ORC4: variants seen among roughly 807,000 people sequenced by gnomAD.
ORC4 encodes origin recognition complex, subunit 4 homolog.
In ORC4, 55 loss-of-function variants were observed where a neutral mutation model predicts 63.9. The observed-to-expected ratio is 0.86, with a 90% CI of 0.69 to 1.08. ORC4 has a LOEUF of 1.08. Ranked by LOEUF, ORC4 falls within the 50% of genes least tolerant of loss-of-function variation. ORC4 has a pLI of 0.00. For missense variants in ORC4, 511 were observed against 504.4 expected (o/e 1.01, Z -0.13); for synonymous variants, 150 against 168.5 (o/e 0.89, Z 0.85).
chr2:147,958,220 C>A, intron 6 of ORC4, 78 bp downstream of exon 6: 2 of 928,954 alleles, frequency 2.2e-6, no homozygotes. Context: ...CCTACCCTTC[C>A]AGAAATATAA....
chr2:148,021,311 T>C, upstream of ORC4: 1 of 360,134 alleles, frequency 2.8e-6, no homozygotes, highest in African/African-American at 2.2e-5. Context: ...GGAGAAGGAG[T>C]TTCTTCTTCT....
At chr2:147,972,334 A>G (rs574305353) in intron 4 of ORC4, among the ~76,000 whole-genome samples, 1 of 152,278 alleles carries the variant, frequency 6.6e-6, no homozygotes, top group South Asian at 2.1e-4. Context: ...TAACAAAGGG[A>G]AAAACCCTAC....
intron 4 of ORC4, among the ~76,000 whole-genome samples, chr2:147,967,102 T>C (rs17225423): frequency 0.14 from 20,645 of 151,818 alleles, 1,699 homozygotes; most frequent in Middle Eastern, 0.21. Flanking sequence ...ATCATCTCAA[T>C]GGATGCAGAA....
At chr2:147,950,895 G>A (rs990969417) in intron 8 of ORC4, among the ~76,000 whole-genome samples, 4 of 151,702 alleles carry the variant, frequency 2.6e-5, no homozygotes, top group South Asian at 2.1e-4. Flanking sequence ...TATTTGGTCC[G>A]TTATTGGGTC....
intron 1 of ORC4, among the ~76,000 whole-genome samples, chr2:148,003,126 A>G (rs970254768): frequency 6.6e-6 from 1 of 152,218 alleles, no homozygotes; most frequent in African/African-American, 2.4e-5. Context: ...TTAATAGCCT[A>G]CCAACCAAAA....
intron 1 of ORC4, among the ~76,000 whole-genome samples, chr2:147,991,781 T>C (rs1691627786): frequency 6.6e-6 from 1 of 151,990 alleles, no homozygotes; most frequent in East Asian, 1.9e-4. Flanking sequence ...TAAGCGGAGA[T>C]TGCACCACTG....
rs1457133415 is a variant in ORC4, at chr2:147,931,558, T to A, written c.*3952A>T. 1 of 152,192 alleles carries A rather than the reference T, an allele frequency of 6.6e-6. No homozygotes were observed. Among genetic ancestry groups the A allele is most frequent in the East Asian group, 1.9e-4 (1 of 5,192 alleles). 9.4% of individuals were successfully genotyped at this position (152,192 alleles called of 1,614,324 possible). On this transcript the variant is annotated 3_prime_UTR_variant, in exon 14 of 14. Coordinates refer to ENST00000392857, the MANE Select transcript of ORC4 (RefSeq NM_181741.4). Reference sequence around the variant, plus strand: ...TTTAATGATTGCCATTCTAACTGGATAAAATACTGGCAAAACGAATCCAGC... The same window carrying A: ...TTTAATGATTGCCATTCTAACTGGAAAAAATACTGGCAAAACGAATCCAGC...
chr2:147,966,181 A>G (rs1260789197), intron 4 of ORC4, among the ~76,000 whole-genome samples: 2 of 152,136 alleles, frequency 1.3e-5, no homozygotes, highest in African/African-American at 2.4e-5. Flanking sequence ...AAATAGAAAC[A>G]CAACTTACTA....
At position 147,933,173 on chromosome 2, in the gene ORC4, T is replaced by C. The variant is rs1039825066; in HGVS notation, c.*2337A>G. The C allele has an allele frequency of 2.0e-5, 3 of 152,146 alleles. No homozygotes were observed. The highest frequency in any genetic ancestry group is 4.4e-5 in the Non-Finnish European group (3 of 68,026). 9.4% of individuals were successfully genotyped at this position (152,146 alleles called of 1,614,324 possible). On this transcript the variant is annotated 3_prime_UTR_variant, in exon 14 of 14. Coordinates refer to ENST00000392857, the MANE Select transcript of ORC4 (RefSeq NM_181741.4). ...GAAAAGCAGGAGTTCATGCATTTTT[T>C]GGTTCTATTTTTCCTCCTCTAGTAA...
intron 4 of ORC4, among the ~76,000 whole-genome samples, chr2:147,960,773 G>C (rs2105320740): frequency 6.6e-6 from 1 of 152,302 alleles, no homozygotes; most frequent in African/African-American, 2.4e-5. Flanking sequence ...CCTGTAATCT[G>C]AGTGCTTTGA....
chr2:147,985,223 G>A (rs1474634776), intron 1 of ORC4, among the ~76,000 whole-genome samples: 1 of 151,980 alleles, frequency 6.6e-6, no homozygotes, highest in Non-Finnish European at 1.5e-5. Flanking sequence ...TTGAGACAGA[G>A]TCTCGCTCTG....
intron 1 of ORC4, among the ~76,000 whole-genome samples, chr2:147,991,081 C>G (rs1691559702): frequency 6.9e-6 from 1 of 144,796 alleles, no homozygotes; most frequent in South Asian, 2.1e-4. Context: ...TGGACTTTCA[C>G]TCTGTCGCCT....
chr2:147,972,693 A>G, intron 4 of ORC4, 46 bp downstream of exon 4: 2 of 1,024,218 alleles, frequency 2.0e-6, no homozygotes, highest in Non-Finnish European at 3.0e-6. Flanking sequence ...TATATAAAAT[A>G]AGAATCATCA....
At chr2:148,007,747 C>T (rs1003482554) in intron 1 of ORC4, among the ~76,000 whole-genome samples, 7 of 151,858 alleles carry the variant, frequency 4.6e-5, no homozygotes, top group African/African-American at 1.7e-4. Context: ...TAGATTCAAC[C>T]CAAATAAGAT....
intron 1 of ORC4, among the ~76,000 whole-genome samples, chr2:147,995,452 G>A (rs1224431114): frequency 1.3e-5 from 2 of 152,156 alleles, no homozygotes; most frequent in African/African-American, 4.8e-5. Flanking sequence ...CTGGCCACCC[G>A]AGTCAGCAGT....
At chr2:147,987,302 T>TG (rs1691264776) in intron 1 of ORC4, among the ~76,000 whole-genome samples, 2 of 149,962 alleles carry the variant, frequency 1.3e-5, no homozygotes, top group South Asian at 4.2e-4. Flanking sequence ...TCAACCAAAA[T>TG]GGGCTCTATT....
chr2:147,966,810 C>T (rs980952048), intron 4 of ORC4, among the ~76,000 whole-genome samples: 5 of 151,998 alleles, frequency 3.3e-5, no homozygotes, highest in Non-Finnish European at 7.4e-5. Flanking sequence ...AAAACTATTC[C>T]AAAAAATTCA....
chr2:147,943,470 A>T lies in ORC4; in HGVS notation c.815T>A (p.Ile272Asn). The change falls in exon 10 of 14, where the codon ATC becomes AAC. Residue 272 changes from isoleucine to asparagine, a missense_variant. Physicochemically the swap from Ile to Asn is moderately radical, Grantham distance 149. Transcript: ENST00000392857. ...VQEVLQKHFN[I>N]SKNLRSLHML... is the part of the protein sequence containing the mutation. ...GTGTAATGACCGCAGGTTTTTGCTG[A>T]TATTGAAATGCTTCTGTAGTACTTC... is the stretch of plus-strand genomic sequence containing the variant. 6.2e-7 allele frequency: 1 copy of T among 1,605,498 alleles called. No individual in the cohort carries two copies. The highest frequency in any genetic ancestry group is 1.1e-5 in the South Asian group (1 of 90,886).
At chr2:147,963,594 G>A (rs1171353944) in intron 4 of ORC4, among the ~76,000 whole-genome samples, 1 of 152,108 alleles carries the variant, frequency 6.6e-6, no homozygotes, top group Non-Finnish European at 1.5e-5. Flanking sequence ...CTGGGCCTGA[G>A]AAACAAACCA....
Sources: allele counts gnomAD v4.1 joint callset (sites outside exome capture counted in the v4.1 genomes callset), GRCh38; gene constraint gnomAD v4.1.1; transcripts MANE v1.5; gene names NCBI Gene and HGNC (gene_info 2026-07-23, HGNC 2026-07-21).